Variants in CDH8 observed in about 807,000 individuals in gnomAD.
The protein encoded by CDH8 is cadherin-8.
A neutral mutation model predicts 68.1 loss-of-function variants in CDH8; 17 were observed. That is an observed-to-expected ratio of 0.25 (90% CI 0.17 to 0.37). The LOEUF is 0.37. Among genes scored for constraint, CDH8 ranks in the 10% least tolerant of loss-of-function variants. The probability of loss-of-function intolerance (pLI) is 1.00; values close to 1 mark genes in which losing one functional copy is unlikely to be tolerated. For synonymous variants in CDH8, 372 were observed against 365.1 expected, an observed-to-expected ratio of 1.02 and a Z score of -0.21; for missense variants, 763 against 999.3, an observed-to-expected ratio of 0.76 and a Z score of 3.19.
chr16:61,995,711 G>C lies in CDH8; in HGVS notation c.252+25441C>G, dbSNP rs75197064. ...TTTTTATGTGTCTTATTCTTTACTC[G>C]GATGAATTAGAACAGAACAGATTCC... is the stretch of plus-strand genomic sequence containing the variant. On this transcript the variant is annotated intron_variant, in intron 2 of 11. Transcript: ENST00000577390. Among the ~76,000 whole-genome samples, 496 of 152,174 alleles carry C rather than the reference G, an allele frequency of 3.3e-3. 16 individuals carry two copies. In the East Asian group the frequency reaches 0.082, roughly 25 times the overall value.
intron 2 of CDH8, among the ~76,000 whole-genome samples, chr16:61,905,880 G>T (rs1383624846): frequency 6.6e-6 from 1 of 151,430 alleles, no homozygotes; most frequent in Non-Finnish European, 1.5e-5. Context: ...GGGCGACAGA[G>T]CAAGACTCCG....
At chr16:62,011,087 GA>G (rs1328982420) in intron 2 of CDH8, among the ~76,000 whole-genome samples, 1 of 151,164 alleles carries the variant, frequency 6.6e-6, no homozygotes, top group Non-Finnish European at 1.5e-5. Context: ...TAGGATTAGG[GA>G]GAAATAAAAA....
At chr16:61,953,704 C>G (rs150172740) in intron 2 of CDH8, among the ~76,000 whole-genome samples, 1 of 150,542 alleles carries the variant, frequency 6.6e-6, no homozygotes, top group South Asian at 2.1e-4. Context: ...CCTGTCTCTA[C>G]AAAAAAATAC....
intron 3 of CDH8, among the ~76,000 whole-genome samples, chr16:61,867,813 C>T (rs1963284461): frequency 6.6e-6 from 1 of 152,148 alleles, no homozygotes. Flanking sequence ...CTTCTGAACT[C>T]TCAAAATACT....
intron 10 of CDH8, among the ~76,000 whole-genome samples, chr16:61,661,976 A>T (rs1963567130): frequency 6.6e-6 from 1 of 151,478 alleles, no homozygotes; most frequent in Admixed American, 6.6e-5. Flanking sequence ...AAAAAAGAAA[A>T]AGCCTTTTGA....
At position 61,650,291 on chromosome 16, in the gene CDH8, G is replaced by A. The variant is rs1376725227; in HGVS notation, c.*3317C>T. ...TTGATCAAATCATAGGCAGAGTAGAGGCTGAATTGATCCCATGTTGTGTCC... is the reference window on the plus strand; with the variant it reads ...TTGATCAAATCATAGGCAGAGTAGAAGCTGAATTGATCCCATGTTGTGTCC... On this transcript the variant is annotated 3_prime_UTR_variant, in exon 12 of 12. Coordinates refer to ENST00000577390, the MANE Select transcript of CDH8 (RefSeq NM_001796.5). The A allele has an allele frequency of 6.6e-6, 1 of 152,022 alleles. No homozygotes were observed. The highest frequency in any genetic ancestry group is 6.6e-5 in the Admixed American group (1 of 15,244). The allele number at this position is 152,022 out of a possible 1,614,324, so 9.4% of individuals were successfully genotyped here.
intron 3 of CDH8, among the ~76,000 whole-genome samples, chr16:61,898,610 C>A (rs1055392993): frequency 1.3e-5 from 2 of 152,252 alleles, no homozygotes; most frequent in Non-Finnish European, 2.9e-5. Context: ...TGGTTAGAAT[C>A]AAGCACACTA....
intron 6 of CDH8, among the ~76,000 whole-genome samples, chr16:61,820,411 G>A (rs1160713268): frequency 6.8e-6 from 1 of 147,666 alleles, no homozygotes; most frequent in Admixed American, 6.9e-5. Context: ...GATATTTCAG[G>A]AAGCAAGAGT....
chr16:61,913,804 A>C (rs1169894013), intron 2 of CDH8, among the ~76,000 whole-genome samples: 2 of 152,296 alleles, frequency 1.3e-5, no homozygotes, highest in Admixed American at 6.5e-5. Context: ...CTCCTACATT[A>C]ATAATAATAT....
chr16:61,902,626 A>T (rs1372573494), intron 2 of CDH8, among the ~76,000 whole-genome samples: 1 of 151,500 alleles, frequency 6.6e-6, no homozygotes, highest in Non-Finnish European at 1.5e-5. Context: ...CTAGAAATTC[A>T]AAAGATGCTG....
intron 8 of CDH8, among the ~76,000 whole-genome samples, chr16:61,727,427 C>T (rs1959407283): frequency 1.3e-5 from 2 of 150,992 alleles, no homozygotes; most frequent in African/African-American, 4.8e-5. Flanking sequence ...ACACCATTTG[C>T]TGAGTTTAGC....
At chr16:61,813,291 G>C (rs1596990060) in intron 7 of CDH8, among the ~76,000 whole-genome samples, 3 of 152,280 alleles carry the variant, frequency 2.0e-5, no homozygotes, top group African/African-American at 7.2e-5. Context: ...GAAAGGACTG[G>C]GGATAGGCAT....
intron 2 of CDH8, among the ~76,000 whole-genome samples, chr16:61,992,050 T>TTGTGTGTGTGTGTGTGTGTG (rs11271459): frequency 1.1e-4 from 16 of 144,424 alleles, no homozygotes; most frequent in Admixed American, 7.8e-4. Flanking sequence ...TGCTAAATCT[T>TTGTGTGTGTGTGTGTGTGTG]TGTGTGTGTG....
In CDH8 at chr16:61,652,891, TC is replaced by T. The variant is rs1238823502; in HGVS notation, c.*716del. The T allele has an allele frequency of 4.6e-6, 7 of 1,526,158 alleles. No individual in the cohort carries two copies. The highest frequency in any genetic ancestry group is 1.8e-6 in the Non-Finnish European group (2 of 1,142,234). The allele number at this position is 1,526,158 out of a possible 1,614,324, so 94.5% of individuals were successfully genotyped here. Reference sequence around the variant, plus strand: ...AAGATGAAGAGGAGGGAACGAGGAATCCTGCTTCTAGAAAACAAGCATGTTT... The same window carrying T: ...AAGATGAAGAGGAGGGAACGAGGAATCTGCTTCTAGAAAACAAGCATGTTT... On this transcript the variant is annotated 3_prime_UTR_variant, in exon 12 of 12. Coordinates refer to ENST00000577390, the MANE Select transcript of CDH8 (RefSeq NM_001796.5).
chr16:61,912,497 T>C (rs1406412950), intron 2 of CDH8, among the ~76,000 whole-genome samples: 1 of 152,070 alleles, frequency 6.6e-6, no homozygotes, highest in African/African-American at 2.4e-5. Context: ...GATGGATGGC[T>C]AGGTGAAGGG....
chr16:61,688,219 C>T (rs908867481), intron 10 of CDH8, among the ~76,000 whole-genome samples: 1 of 152,026 alleles, frequency 6.6e-6, no homozygotes, highest in Non-Finnish European at 1.5e-5. Flanking sequence ...CCCTTCCATA[C>T]CCACCTCCCT....
rs141746602 is a variant in CDH8 at position 61,858,007 on chromosome 16, T to TA, written c.548-770dup. Among the ~76,000 whole-genome samples the TA allele has an allele frequency of 4.4e-3, 674 of 151,472 alleles. 6 individuals are homozygous for TA. Among genetic ancestry groups the TA allele is most frequent in the African/African-American group, 0.016 (642 of 41,312 alleles). On this transcript the variant is annotated intron_variant, in intron 3 of 11. Transcript: ENST00000577390. ...AAATCTCTATACATTTTGATGCCAT[T>TA]AAAAAAAATAACTTCCACCTGCCTC...
chr16:61,923,125 A>G (rs908639024), intron 2 of CDH8, among the ~76,000 whole-genome samples: 21 of 152,310 alleles, frequency 1.4e-4, no homozygotes, highest in African/African-American at 5.1e-4. Flanking sequence ...GTTTCTACCA[A>G]TAATTCATAT....
chr16:61,832,014 T>TG (rs936303159), intron 4 of CDH8, among the ~76,000 whole-genome samples: 4 of 151,572 alleles, frequency 2.6e-5, no homozygotes, highest in South Asian at 2.1e-4. Flanking sequence ...CTTCTATAAG[T>TG]GGGGGGGTCA....
Sources: gnomAD v4.1 joint callset for allele counts (sites outside exome capture counted in the v4.1 genomes callset) on GRCh38, gnomAD v4.1.1 for gene constraint, MANE v1.5 for transcripts, NCBI Gene and HGNC (gene_info 2026-07-23, HGNC 2026-07-21) for gene names.